Variants in GRIK3 observed in about 807,000 individuals in gnomAD.
GRIK3 encodes glutamate receptor ionotropic, kainate 3.
GRIK3 carries 29 observed loss-of-function variants against 102.5 expected under a neutral mutation model. The ratio of observed to expected loss-of-function variants is 0.28; its 90% CI spans 0.21 to 0.39. GRIK3 has a LOEUF of 0.39. Ranked by LOEUF, GRIK3 falls within the 10% of genes least tolerant of loss-of-function variation. The pLI is 1.00. For missense variants in GRIK3, 908 were observed against 1,252.4 expected (o/e 0.73, Z 4.15); for synonymous variants, 511 against 504.9 (o/e 1.01, Z -0.16).
At position 36,806,162 on chromosome 1, in the gene GRIK3, G is replaced by T. The variant is rs1352997350; in HGVS notation, c.2256C>A (p.Asn752Lys). The change falls in exon 14 of 16, where the codon AAC becomes AAA. Residue 752 changes from asparagine to lysine, a missense_variant. Asn to Lys is a moderately conservative substitution (Grantham distance 94). Coordinates refer to ENST00000373091, the MANE Select transcript of GRIK3 (RefSeq NM_000831.4). This position sits in a 1 kb window ranked among gnomAD's most constrained non-coding sequence, Gnocchi z 4.0. ...TIEYVTQRNC[N>K]LTQIGGLIDS... is the part of the protein sequence containing the mutation. Reference sequence around the variant, plus strand: ...CAATGAGGCCCCCGATCTGGGTGAGGTTGCAGTTCCTCTGCGTGACGTACT... The same window carrying T: ...CAATGAGGCCCCCGATCTGGGTGAGTTTGCAGTTCCTCTGCGTGACGTACT... The T allele has an allele frequency of 1.2e-6, 2 of 1,614,132 alleles. No homozygotes were observed. Among genetic ancestry groups the T allele is most frequent in the South Asian group, 1.1e-5 (1 of 91,088 alleles).
intron 13 of GRIK3, among the ~76,000 whole-genome samples, chr1:36,814,520 C>CCA (rs1553173907): frequency 1.3e-3 from 181 of 134,324 alleles, no homozygotes; most frequent in African/African-American, 3.0e-3. Context: ...CCCCCCCCCC[C>CCA]CACACACAGA....
At chr1:36,978,968 T>C (rs533634461) in intron 1 of GRIK3, among the ~76,000 whole-genome samples, 117 of 152,320 alleles carry the variant, frequency 7.7e-4, no homozygotes, top group Non-Finnish European at 9.9e-4. Flanking sequence ...ACTGCAGACA[T>C]TTACCATCAA....
At chr1:36,816,969 G>T in intron 13 of GRIK3, 91 bp downstream of exon 13, 2 of 859,912 alleles carry the variant, frequency 2.3e-6, no homozygotes, top group South Asian at 1.6e-5. Flanking sequence ...CGTGGTTAGG[G>T]AAGGACAGAG....
intron 1 of GRIK3, among the ~76,000 whole-genome samples, chr1:37,033,429 C>T (rs915748643): frequency 8.5e-5 from 13 of 152,218 alleles, no homozygotes; most frequent in Non-Finnish European, 1.6e-4. Flanking sequence ...CCCCAACCCC[C>T]GCCCCATGGC....
chr1:36,817,019 G>C (rs1257031735), intron 13 of GRIK3, 41 bp downstream of exon 13: 1 of 1,394,702 alleles, frequency 7.2e-7, no homozygotes, highest in East Asian at 2.3e-5. Flanking sequence ...GTCCGGAGAG[G>C]ATCAGCTCAC....
chr1:36,835,147 C>G (rs750323715), intron 10 of GRIK3, among the ~76,000 whole-genome samples: 2 of 152,378 alleles, frequency 1.3e-5, no homozygotes, highest in East Asian at 3.9e-4. Flanking sequence ...GGGTCTGGCA[C>G]AGTATCAGTT....
At chr1:36,877,474 T>A (rs1476061806) in intron 3 of GRIK3, among the ~76,000 whole-genome samples, 2 of 152,182 alleles carry the variant, frequency 1.3e-5, no homozygotes. Context: ...TAGAACCACC[T>A]TCTAAAACTC....
At chr1:36,928,112 C>T (rs72917576) in intron 1 of GRIK3, among the ~76,000 whole-genome samples, 2,095 of 152,168 alleles carry the variant, frequency 0.014, 34 homozygotes, top group African/African-American at 0.047. Flanking sequence ...CTCTGGAGAG[C>T]TGGGAAGGCC....
chr1:36,920,372 G>A (rs1001667918), intron 1 of GRIK3, among the ~76,000 whole-genome samples: 2 of 152,122 alleles, frequency 1.3e-5, no homozygotes, highest in African/African-American at 4.8e-5. Context: ...GAATCCTTTG[G>A]CCCAGGGCCT....
chr1:36,873,910 T>C (rs189062473), intron 3 of GRIK3, among the ~76,000 whole-genome samples: 43 of 152,324 alleles, frequency 2.8e-4, no homozygotes, highest in African/African-American at 9.9e-4. Flanking sequence ...GGTCCCCACG[T>C]AGACCTCGAG....
Position 36,903,362 on chromosome 1 carries a change from C to T in GRIK3, c.116-12266G>A, listed in dbSNP as rs115488061. ...GCGGGGCAACAGGAGCCCTCATTCACTGCTGGTGAGAATGCAAAATAGTAC... is the reference window on the plus strand; with the variant it reads ...GCGGGGCAACAGGAGCCCTCATTCATTGCTGGTGAGAATGCAAAATAGTAC... On this transcript the variant is annotated intron_variant, in intron 1 of 15. Coordinates refer to ENST00000373091, the MANE Select transcript of GRIK3 (RefSeq NM_000831.4). 4.4e-3 allele frequency among the ~76,000 whole-genome samples: 670 copies of T among 152,378 alleles called. 3 individuals are homozygous for T. Among genetic ancestry groups the T allele is most frequent in the African/African-American group, 0.015 (628 of 41,586 alleles).
At chr1:36,871,584 G>A (rs982680595) in intron 4 of GRIK3, among the ~76,000 whole-genome samples, 4 of 152,214 alleles carry the variant, frequency 2.6e-5, no homozygotes, top group African/African-American at 9.6e-5. Flanking sequence ...GGTGACTGGC[G>A]GAGCTTGGCT....
chr1:36,855,841 C>A (rs1236457537), intron 7 of GRIK3, among the ~76,000 whole-genome samples: 1 of 152,232 alleles, frequency 6.6e-6, no homozygotes, highest in East Asian at 1.9e-4. Context: ...CCCACATGAG[C>A]GCATTCAGTC....
intron 7 of GRIK3, among the ~76,000 whole-genome samples, chr1:36,857,750 C>T (rs1238460508): frequency 2.0e-5 from 3 of 152,188 alleles, no homozygotes; most frequent in African/African-American, 7.2e-5. Context: ...GAACTTGGGA[C>T]CTCAGGGGAA....
chr1:36,955,459 C>T (rs1641895139), intron 1 of GRIK3, among the ~76,000 whole-genome samples: 1 of 152,184 alleles, frequency 6.6e-6, no homozygotes, highest in South Asian at 2.1e-4. Flanking sequence ...CACTGAGTCA[C>T]AGGCCCTCTC....
At chr1:36,891,232 C>T in intron 1 of GRIK3, 136 bp from the exon 2 acceptor site, 2 of 617,714 alleles carry the variant, frequency 3.2e-6, no homozygotes, top group Admixed American at 5.2e-5. Flanking sequence ...AACTGCCATA[C>T]CTAGAAAGTG....
chr1:36,825,833 C>T lies in GRIK3; in HGVS notation c.1531-7G>A. On this transcript the variant is annotated splice_polypyrimidine_tract_variant and splice_region_variant and intron_variant, in intron 10 of 15. Transcript: ENST00000373091. Reference sequence around the variant, plus strand: ...CCACGGCCAGATCTGCCTTCTGCAACCAGACAGAGAGAGAAAGACAGACTA... The same window carrying T: ...CCACGGCCAGATCTGCCTTCTGCAATCAGACAGAGAGAGAAAGACAGACTA... 5 of 1,592,376 alleles carry T rather than the reference C, an allele frequency of 3.1e-6. No individual in the cohort carries two copies. The highest frequency in any genetic ancestry group is 4.3e-6 in the Non-Finnish European group (5 of 1,165,644).
chr1:36,985,897 G>A (rs1642298870), intron 1 of GRIK3, among the ~76,000 whole-genome samples: 1 of 152,144 alleles, frequency 6.6e-6, no homozygotes, highest in Non-Finnish European at 1.5e-5. Flanking sequence ...CAGCAATGAA[G>A]GGTGAGTGTG....
chr1:36,864,303 T>G (rs1031389272), intron 5 of GRIK3, among the ~76,000 whole-genome samples: 8 of 152,114 alleles, frequency 5.3e-5, no homozygotes, highest in African/African-American at 1.9e-4. Flanking sequence ...GATTTCCTTT[T>G]GGACAGTGGT....
Sources: allele counts gnomAD v4.1 joint callset (sites outside exome capture counted in the v4.1 genomes callset), GRCh38; gene constraint gnomAD v4.1.1; non-coding constraint Gnocchi (gnomAD v3.1); transcripts MANE v1.5; gene names NCBI Gene and HGNC (gene_info 2026-07-23, HGNC 2026-07-21).